RFWD3: variants seen among roughly 807,000 people sequenced by gnomAD.
The protein encoded by RFWD3 is E3 ubiquitin-protein ligase RFWD3.
Under a neutral mutation model 87.7 loss-of-function variants are expected in RFWD3, and 65 were observed. That is an observed-to-expected ratio of 0.74 (90% CI 0.61 to 0.91). The LOEUF (loss-of-function observed/expected upper bound fraction) is 0.91, where lower values mean the gene tolerates loss of function less well. RFWD3 is among the 40% of genes least tolerant of loss of function. The probability of loss-of-function intolerance (pLI) is 0.00; values close to 1 mark genes in which losing one functional copy is unlikely to be tolerated. For missense variants in RFWD3, 1,078 were observed against 938.5 expected (o/e 1.15, Z -1.94); for synonymous variants, 433 against 352.8 (o/e 1.23, Z -2.55).
Position 74,643,112 on chromosome 16 carries a change from C to G in RFWD3, c.1079+1250G>C, listed in dbSNP as rs143191542. ...AAACAAGGAAGAAAACTAAAATAATCTGTACAGTGACTACCTATAGAGCTT... is the reference window on the plus strand; with the variant it reads ...AAACAAGGAAGAAAACTAAAATAATGTGTACAGTGACTACCTATAGAGCTT... On this transcript the variant is annotated intron_variant, in intron 6 of 12. Coordinates refer to ENST00000361070, the MANE Select transcript of RFWD3 (RefSeq NM_018124.4). Among the ~76,000 whole-genome samples, 161 of 152,260 alleles carry G rather than the reference C, an allele frequency of 1.1e-3. 1 individual carries two copies. The highest frequency in any genetic ancestry group is 9.0e-3 in the Admixed American group (137 of 15,290).
At chr16:74,632,195 C>T (rs1959120953) in intron 9 of RFWD3, among the ~76,000 whole-genome samples, 1 of 151,760 alleles carries the variant, frequency 6.6e-6, no homozygotes, top group Non-Finnish European at 1.5e-5. Context: ...TTGAGCCCAT[C>T]CTGGCTAACA....
rs1283665787 is a variant in RFWD3, at chr16:74,623,763, G to A, written c.*165C>T. On this transcript the variant is annotated 3_prime_UTR_variant, in exon 13 of 13. Transcript: ENST00000361070. ...AGTGGACATAACAGATACACAATCT[G>A]TAGTGTCTCAGTGACCTAGGGTCCT... 1 of 638,184 alleles carries A rather than the reference G, an allele frequency of 1.6e-6. No individual in the cohort carries two copies. The highest frequency in any genetic ancestry group is 3.0e-5 in the Admixed American group (1 of 32,842). 39.5% of individuals were successfully genotyped at this position (638,184 alleles called of 1,614,324 possible). A position where few individuals can be genotyped will look rare whatever the true frequency, so the allele number is the denominator to read the frequency against.
In RFWD3 at chr16:74,636,658, G is replaced by A. The variant is rs1478334490; in HGVS notation, c.1195-81C>T. Reference sequence around the variant, plus strand: ...AATACAATTCCTTGATCTTTTACAGGAAGATTTTTTATCCATTATATGAAA... The same window carrying A: ...AATACAATTCCTTGATCTTTTACAGAAAGATTTTTTATCCATTATATGAAA... On this transcript the variant is annotated intron_variant, in intron 7 of 12. Transcript: ENST00000361070. 5.6e-6 allele frequency: 6 copies of A among 1,075,574 alleles called. No individual in the cohort carries two copies. In the African/African-American group the frequency reaches 6.5e-5, roughly 12 times the overall value. The allele number at this position is 1,075,574 out of a possible 1,614,324, so 66.6% of individuals were successfully genotyped here.
chr16:74,632,233 A>C (rs181170672), intron 9 of RFWD3, among the ~76,000 whole-genome samples: 8 of 152,094 alleles, frequency 5.3e-5, no homozygotes, highest in Admixed American at 2.0e-4. Context: ...TACTACAAAA[A>C]TAGAAAATAT....
intron 10 of RFWD3, among the ~76,000 whole-genome samples, chr16:74,630,329 A>C (rs1567567595): frequency 6.6e-6 from 1 of 151,828 alleles, no homozygotes; most frequent in South Asian, 2.1e-4. Context: ...CGAATTCCTG[A>C]CCTCCTGATC....
At chr16:74,639,218 A>G (rs1189870952) in intron 6 of RFWD3, among the ~76,000 whole-genome samples, 1 of 152,066 alleles carries the variant, frequency 6.6e-6, no homozygotes, top group Non-Finnish European at 1.5e-5. Context: ...TTGTATTTTT[A>G]GTAGAGACAG....
chr16:74,664,064 T>C (rs1464761320), intron 1 of RFWD3, among the ~76,000 whole-genome samples: 2 of 152,184 alleles, frequency 1.3e-5, no homozygotes, highest in Admixed American at 6.6e-5. Context: ...GGCACAGTAC[T>C]GAAAATAAGT....
intron 2 of RFWD3, 159 bp downstream of exon 2, chr16:74,660,773 G>C (rs1961363320): frequency 2.8e-6 from 2 of 727,170 alleles, no homozygotes; most frequent in Non-Finnish European, 4.5e-6. Flanking sequence ...ATTACTTTGT[G>C]AAGTAAGGCA....
At chr16:74,656,875 G>A (rs774863029) in intron 2 of RFWD3, among the ~76,000 whole-genome samples, 1 of 152,152 alleles carries the variant, frequency 6.6e-6, no homozygotes, top group African/African-American at 2.4e-5. Flanking sequence ...GACTTTTGCC[G>A]GGCTCAAGAC....
intron 7 of RFWD3, 50 bp downstream of exon 7, chr16:74,637,806 T>A: frequency 1.5e-6 from 2 of 1,344,182 alleles, no homozygotes; most frequent in Non-Finnish European, 2.1e-6. Context: ...ATTAGCTTCC[T>A]CTTCCATTCC....
intron 4 of RFWD3, among the ~76,000 whole-genome samples, chr16:74,644,972 TTCAC>T (rs1960008128): frequency 6.6e-6 from 1 of 152,208 alleles, no homozygotes; most frequent in Non-Finnish European, 1.5e-5. Context: ...TACTTTTTCC[TTCAC>T]TCAAAGGAAG....
intron 1 of RFWD3, among the ~76,000 whole-genome samples, chr16:74,663,565 G>C (rs557814156): frequency 1.7e-3 from 254 of 152,242 alleles, no homozygotes; most frequent in Non-Finnish European, 2.6e-3. Flanking sequence ...CATAGTGGAC[G>C]AAGTACATAT....
At chr16:74,654,370 C>A (rs952113873) in intron 2 of RFWD3, among the ~76,000 whole-genome samples, 3 of 151,480 alleles carry the variant, frequency 2.0e-5, no homozygotes, top group Non-Finnish European at 4.4e-5. Context: ...TTTGTTTGTT[C>A]CTCTGTTATT....
chr16:74,633,341 G>C (rs574978695), intron 8 of RFWD3, among the ~76,000 whole-genome samples: 10 of 144,334 alleles, frequency 6.9e-5, no homozygotes, highest in Admixed American at 2.1e-4. Flanking sequence ...ACAATGAAGA[G>C]AAGAAGAAAA....
At chr16:74,648,015 T>C (rs769550698) in intron 4 of RFWD3, among the ~76,000 whole-genome samples, 1 of 152,162 alleles carries the variant, frequency 6.6e-6, no homozygotes, top group Non-Finnish European at 1.5e-5. Context: ...GGTGCAATCA[T>C]GGCTCACTGA....
chr16:74,626,642 G>A, intron 11 of RFWD3, 88 bp from the exon 12 acceptor site: 1 of 1,010,934 alleles, frequency 9.9e-7, no homozygotes, highest in East Asian at 2.5e-5. Flanking sequence ...TTACAACCTA[G>A]TTGGATGGAA....
intron 8 of RFWD3, among the ~76,000 whole-genome samples, chr16:74,635,279 T>C (rs1316538750): frequency 6.7e-6 from 1 of 149,000 alleles, no homozygotes; most frequent in Non-Finnish European, 1.5e-5. Context: ...CGAGACTCCA[T>C]CTCAAAAAAA....
chr16:74,661,528 T>C lies in RFWD3; in HGVS notation c.-2-77A>G, dbSNP rs1479675399. 4 of 1,277,302 alleles carry C rather than the reference T, an allele frequency of 3.1e-6. No individual in the cohort carries two copies. In the African/African-American group the frequency reaches 6.0e-5, roughly 19 times the overall value. The allele number at this position is 1,277,302 out of a possible 1,614,324, so 79.1% of individuals were successfully genotyped here. On this transcript the variant is annotated intron_variant, in intron 1 of 12. Coordinates refer to ENST00000361070, the MANE Select transcript of RFWD3 (RefSeq NM_018124.4). Reference sequence around the variant, plus strand: ...ATGTAGGTGACAGAATCATATTTAATCTTTCTGATTTTATGTTTAATATCA... The same window carrying C: ...ATGTAGGTGACAGAATCATATTTAACCTTTCTGATTTTATGTTTAATATCA...
At chr16:74,653,543 T>C (rs1960731353) in intron 2 of RFWD3, among the ~76,000 whole-genome samples, 1 of 151,710 alleles carries the variant, frequency 6.6e-6, no homozygotes, top group South Asian at 2.1e-4. Flanking sequence ...CTGAGTTTGG[T>C]GGCTTACGCC....
Sources: allele counts gnomAD v4.1 joint callset (sites outside exome capture counted in the v4.1 genomes callset), GRCh38; gene constraint gnomAD v4.1.1; transcripts MANE v1.5; gene names NCBI Gene and HGNC (gene_info 2026-07-23, HGNC 2026-07-21).